Variants in ME3 observed in about 807,000 individuals in gnomAD.
ME3 encodes malic enzyme 3, also known as NADP-dependent malic enzyme, mitochondrial.
In ME3, 48 loss-of-function variants were observed where a neutral mutation model predicts 68.9. The ratio of observed to expected loss-of-function variants is 0.70; its 90% CI spans 0.55 to 0.89. The LOEUF (loss-of-function observed/expected upper bound fraction) is 0.89, where lower values mean the gene tolerates loss of function less well. ME3 is among the 40% of genes least tolerant of loss of function. The probability of loss-of-function intolerance (pLI) is 0.00; values close to 1 mark genes in which losing one functional copy is unlikely to be tolerated. For synonymous variants in ME3, 320 were observed against 318.8 expected (o/e 1.00, Z -0.04); for missense variants, 675 against 797.4 (o/e 0.85, Z 1.85).
intron 8 of ME3, chr11:86,457,439 CCT>C (rs1950002008): frequency 1.1e-6 from 1 of 938,628 alleles, no homozygotes; most frequent in Non-Finnish European, 1.3e-6. Flanking sequence ...TCTTTCTTGA[CCT>C]CTCAGCAGCA....
exon 2 of ME3, chr11:86,671,876 C>T (rs1227174040): frequency 2.8e-5 from 43 of 1,555,984 alleles, no homozygotes; most frequent in Non-Finnish European, 3.7e-5. Flanking sequence ...GTGTCCAGCG[C>T]GGGAGGGCGC....
chr11:86,524,493 A>G (rs1954579875), intron 4 of ME3, among the ~76,000 whole-genome samples: 2 of 152,220 alleles, frequency 1.3e-5, no homozygotes, highest in South Asian at 4.1e-4. Flanking sequence ...ATACACCAAG[A>G]TAATAGTCCC....
chr11:86,633,245 C>T (rs1439026832), intron 2 of ME3, among the ~76,000 whole-genome samples: 1 of 152,220 alleles, frequency 6.6e-6, no homozygotes. Flanking sequence ...CAGTGACAGA[C>T]TGACATTTAG....
At chr11:86,610,534 C>A (rs4944603) in intron 2 of ME3, among the ~76,000 whole-genome samples, 60,143 of 151,422 alleles carry the variant, frequency 0.4, 12,497 homozygotes, top group East Asian at 0.7. Context: ...GGTGCAGCAG[C>A]AGGAGATTCC....
intron 2 of ME3, among the ~76,000 whole-genome samples, chr11:86,620,804 A>G (rs1279055033): frequency 6.6e-6 from 1 of 152,132 alleles, no homozygotes; most frequent in Non-Finnish European, 1.5e-5. Context: ...TTGATCAAAT[A>G]TTTTAAAATT....
At chr11:86,638,680 C>T (rs576819108) in intron 2 of ME3, among the ~76,000 whole-genome samples, 14 of 152,288 alleles carry the variant, frequency 9.2e-5, no homozygotes, top group African/African-American at 3.4e-4. Flanking sequence ...TAAACAAGCA[C>T]TTTAAATAGC....
At chr11:86,504,094 T>G (rs554954012) in intron 5 of ME3, among the ~76,000 whole-genome samples, 1 of 152,230 alleles carries the variant, frequency 6.6e-6, no homozygotes, top group South Asian at 2.1e-4. Flanking sequence ...TTTCTTACAT[T>G]GCAGTTTTCA....
intron 2 of ME3, among the ~76,000 whole-genome samples, chr11:86,624,637 A>T (rs1443839600): frequency 1.3e-5 from 2 of 152,256 alleles, no homozygotes; most frequent in Admixed American, 1.3e-4. Flanking sequence ...TGGAAAACTT[A>T]GCTGATTACA....
chr11:86,441,347 C>T, exon 15 of ME3: 1 of 1,613,550 alleles, frequency 6.2e-7, no homozygotes. Context: ...GAGTCATAGT[C>T]TGGAGTGTAG....
intron 2 of ME3, among the ~76,000 whole-genome samples, chr11:86,627,324 T>G (rs1943724704): frequency 6.6e-6 from 1 of 152,184 alleles, no homozygotes; most frequent in South Asian, 2.1e-4. Context: ...TTAACAAATC[T>G]CAATTTCTCA....
chr11:86,451,493 A>G (rs1400340326), intron 8 of ME3, among the ~76,000 whole-genome samples: 3 of 152,234 alleles, frequency 2.0e-5, no homozygotes, highest in African/African-American at 7.2e-5. Context: ...CATGGTGGTA[A>G]GGATGGAGGC....
intron 13 of ME3, among the ~76,000 whole-genome samples, chr11:86,444,163 G>C (rs1011185382): frequency 6.6e-6 from 1 of 152,214 alleles, no homozygotes. Flanking sequence ...GTATAGGAAA[G>C]GCTTCTCAGA....
chr11:86,630,212 G>C (rs1484993483), intron 2 of ME3, among the ~76,000 whole-genome samples: 4 of 152,252 alleles, frequency 2.6e-5, no homozygotes, highest in African/African-American at 9.6e-5. Context: ...TGAGCTAAAG[G>C]TTTGAGTTAC....
At chr11:86,485,812 T>C (rs1428822377) in intron 7 of ME3, among the ~76,000 whole-genome samples, 1 of 152,178 alleles carries the variant, frequency 6.6e-6, no homozygotes, top group Non-Finnish European at 1.5e-5. Flanking sequence ...TACACCCTGC[T>C]CTCTTCGTCT....
chr11:86,523,853 A>G (rs1954519756), intron 4 of ME3, among the ~76,000 whole-genome samples: 1 of 152,212 alleles, frequency 6.6e-6, no homozygotes, highest in African/African-American at 2.4e-5. Context: ...ACCTCTGTCC[A>G]AATAGAATAT....
chr11:86,553,493 A>G (rs987520416), intron 4 of ME3, among the ~76,000 whole-genome samples: 2 of 151,602 alleles, frequency 1.3e-5, no homozygotes, highest in African/African-American at 4.9e-5. Context: ...GTGGAGCCCA[A>G]ACTTTTATTT....
intron 4 of ME3, among the ~76,000 whole-genome samples, chr11:86,533,901 G>T (rs1302190704): frequency 6.6e-6 from 1 of 152,044 alleles, no homozygotes; most frequent in Non-Finnish European, 1.5e-5. Context: ...ACGCTACGTG[G>T]TATAGCCTAT....
chr11:86,662,672 A>G (rs569102429), intron 2 of ME3, among the ~76,000 whole-genome samples: 1 of 152,370 alleles, frequency 6.6e-6, no homozygotes, highest in South Asian at 2.1e-4. Context: ...ATGTTGTGGT[A>G]TTGTATTAAA....
intron 2 of ME3, among the ~76,000 whole-genome samples, chr11:86,565,962 C>T (rs954584347): frequency 6.6e-6 from 1 of 152,258 alleles, no homozygotes; most frequent in African/African-American, 2.4e-5. Context: ...CGTGCAGCCC[C>T]ACCTTTATCC....
Sources: allele counts gnomAD v4.1 joint callset (sites outside exome capture counted in the v4.1 genomes callset), GRCh38; gene constraint gnomAD v4.1.1; transcripts MANE v1.5; gene names NCBI Gene and HGNC (gene_info 2026-07-23, HGNC 2026-07-21).